The following MAML2 variants were observed in gnomAD, a reference collection of about 807,000 sequenced individuals.
MAML2 encodes the protein mastermind-like protein 2.
Under a neutral mutation model 96.1 loss-of-function variants are expected in MAML2, and 22 were observed. That is an observed-to-expected ratio of 0.23 (90% CI 0.16 to 0.33). The LOEUF (loss-of-function observed/expected upper bound fraction) is 0.33. Among genes scored for constraint, MAML2 ranks in the 10% least tolerant of loss-of-function variants. The pLI is 1.00. For synonymous variants in MAML2, 561 were observed against 521.3 expected (o/e 1.08, Z -1.04); for missense variants, 1,367 against 1,392.4 (o/e 0.98, Z 0.29).
intron 1 of MAML2, among the ~76,000 whole-genome samples, chr11:96,183,393 T>TCCCC (rs1177195850): frequency 1.2e-5 from 1 of 81,898 alleles, no homozygotes; most frequent in Admixed American, 1.6e-4. Context: ...CCTCCGTTCC[T>TCCCC]CCCCCCCCCC....
chr11:96,234,571 T>C (rs1465841642), intron 1 of MAML2, among the ~76,000 whole-genome samples: 1 of 152,228 alleles, frequency 6.6e-6, no homozygotes. Flanking sequence ...CCAATGTAGG[T>C]ATTCCATTTG....
chr11:96,164,702 A>G (rs1861164437), intron 1 of MAML2, among the ~76,000 whole-genome samples: 1 of 152,194 alleles, frequency 6.6e-6, no homozygotes, highest in Admixed American at 6.5e-5. Context: ...CGTGATCTCA[A>G]AGAAAGTAGG....
intron 2 of MAML2, 62 bp from the exon 3 acceptor site, chr11:95,991,785 A>G: frequency 7.8e-7 from 1 of 1,286,764 alleles, no homozygotes; most frequent in Non-Finnish European, 1.1e-6. Flanking sequence ...AATGTAGCAC[A>G]AAGATCATAC....
chr11:96,153,453 A>G (rs537593156), intron 1 of MAML2, among the ~76,000 whole-genome samples: 2 of 152,246 alleles, frequency 1.3e-5, no homozygotes, highest in East Asian at 3.9e-4. Flanking sequence ...ATATTTTGGT[A>G]TTTTGATCAT....
At chr11:96,251,995 G>A (rs1028066424) in intron 1 of MAML2, among the ~76,000 whole-genome samples, 1 of 152,062 alleles carries the variant, frequency 6.6e-6, no homozygotes, top group African/African-American at 2.4e-5. Context: ...GCCTCCCAAA[G>A]TGCTGGGATT....
chr11:96,274,589 G>T (rs1054087236), intron 1 of MAML2, among the ~76,000 whole-genome samples: 1 of 151,572 alleles, frequency 6.6e-6, no homozygotes, highest in Non-Finnish European at 1.5e-5. Context: ...ATTAAATTAG[G>T]TATTAATTAA....
intron 1 of MAML2, among the ~76,000 whole-genome samples, chr11:96,150,565 G>A (rs1860903097): frequency 6.6e-6 from 1 of 152,200 alleles, no homozygotes; most frequent in African/African-American, 2.4e-5. Context: ...GAAATTGCAA[G>A]TAGTTCAGGA....
In MAML2 at chr11:96,188,490, G is replaced by C. The variant is rs1252589411; in HGVS notation, c.514-94973C>G. Among the ~76,000 whole-genome samples, 5 of 152,172 alleles carry C rather than the reference G, an allele frequency of 3.3e-5. No individual in the cohort carries two copies. The East Asian group carries it at 9.6e-4, about 29-fold the overall frequency. On this transcript the variant is annotated intron_variant, in intron 1 of 4. Coordinates refer to ENST00000524717, the MANE Select transcript of MAML2 (RefSeq NM_032427.4). Reference sequence around the variant, plus strand: ...AGAAAACCAGTCAACAGAGAAAAATGGCTTGGGGGTCCCACAAGCAAAGAG... The same window carrying C: ...AGAAAACCAGTCAACAGAGAAAAATCGCTTGGGGGTCCCACAAGCAAAGAG...
intron 1 of MAML2, among the ~76,000 whole-genome samples, chr11:96,152,356 T>C (rs1591042109): frequency 6.6e-6 from 1 of 152,348 alleles, no homozygotes; most frequent in African/African-American, 2.4e-5. Flanking sequence ...AAACAACTTA[T>C]TCCCAACTAC....
In MAML2 at chr11:96,323,483, G is replaced by GAAA. The variant is rs57745850; in HGVS notation, c.513+17897_513+17899dup. Among the ~76,000 whole-genome samples, 1,233 of 144,686 alleles carry GAAA rather than the reference G, an allele frequency of 8.5e-3. 22 individuals are homozygous for GAAA. The highest frequency in any genetic ancestry group is 0.025 in the African/African-American group (992 of 39,360). 94.9% of individuals were successfully genotyped at this position (144,686 alleles called of 152,430 possible). A position where few individuals can be genotyped will look rare whatever the true frequency, so the allele number is the denominator to read the frequency against. On this transcript the variant is annotated intron_variant, in intron 1 of 4. Transcript: ENST00000524717. Reference sequence around the variant, plus strand: ...TTTGTATTGCCCTTTACAAAATGCTGAAAAAAAAAAAAACCCATCTGCATG... The same window carrying GAAA: ...TTTGTATTGCCCTTTACAAAATGCTGAAAAAAAAAAAAAAAACCCATCTGCATG...
intron 1 of MAML2, among the ~76,000 whole-genome samples, chr11:96,323,453 CTGAGT>C (rs1863735745): frequency 6.7e-6 from 1 of 148,252 alleles, no homozygotes; most frequent in African/African-American, 2.5e-5. Flanking sequence ...GGGAGTGAAG[CTGAGT>C]TTGTATTGCC....
chr11:96,076,506 A>G (rs1565206826), intron 2 of MAML2, among the ~76,000 whole-genome samples: 1 of 151,380 alleles, frequency 6.6e-6, no homozygotes, highest in Non-Finnish European at 1.5e-5. Flanking sequence ...AACTTCTCAC[A>G]GCAACTTCCT....
At position 96,092,654 on chromosome 11, in the gene MAML2, G is replaced by T. The variant is rs376995763; in HGVS notation, c.1377C>A (p.Thr459=). 9.3e-6 allele frequency: 15 copies of T among 1,613,420 alleles called. No homozygotes were observed. Among genetic ancestry groups the T allele is most frequent in the Non-Finnish European group, 1.2e-5 (14 of 1,179,758 alleles). The change falls in exon 2 of 5, where the codon ACC becomes ACA. Residue 459 remains threonine (T), a synonymous_variant. Coordinates refer to ENST00000524717, the MANE Select transcript of MAML2 (RefSeq NM_032427.4). The surrounding 1 kb of genome is among the most constrained non-coding windows in gnomAD (Gnocchi z 4.1). ...MQQHQQQHQP[T]NWSALPSSAG... ...CAGAAGAGGGCAAGGCTGACCAGTT[G>T]GTAGGCTGGTGCTGCTGCTGGTGCT...
chr11:96,275,012 G>A (rs886627805), intron 1 of MAML2, among the ~76,000 whole-genome samples: 2 of 151,950 alleles, frequency 1.3e-5, no homozygotes, highest in African/African-American at 4.8e-5. Flanking sequence ...CTAATTCCAT[G>A]TTAATGTATA....
At chr11:96,041,975 ATTTTTT>A (rs549945518) in intron 2 of MAML2, among the ~76,000 whole-genome samples, 2 of 121,796 alleles carry the variant, frequency 1.6e-5, no homozygotes, top group Non-Finnish European at 1.7e-5. Context: ...CGCCCGGCTA[ATTTTTT>A]TTTTTTTTTT....
chr11:96,222,411 T>C (rs1862153113), intron 1 of MAML2, among the ~76,000 whole-genome samples: 1 of 152,182 alleles, frequency 6.6e-6, no homozygotes. Flanking sequence ...GCTTTGTGTC[T>C]TGGAAGCCCA....
At chr11:96,004,835 C>T (rs1858151744) in intron 2 of MAML2, among the ~76,000 whole-genome samples, 1 of 152,080 alleles carries the variant, frequency 6.6e-6, no homozygotes, top group Non-Finnish European at 1.5e-5. Flanking sequence ...GAGGTGTTTG[C>T]TATGGTTTTA....
intron 1 of MAML2, among the ~76,000 whole-genome samples, chr11:96,107,516 C>T (rs1253247303): frequency 2.6e-5 from 4 of 152,202 alleles, no homozygotes; most frequent in Admixed American, 2.0e-4. Flanking sequence ...CCCCTGGGTC[C>T]TGGCATACAG....
In MAML2 at chr11:96,341,513, G is replaced by T. The variant is rs970760102; in HGVS notation, c.383C>A (p.Pro128Gln). ...CTGCTGGTGGTGATGGTGATAGTCT[G>T]GTGGGGGCGGTGGGGCTGCTGTTGC... ...AAATAAPPPPPDYHHHHQQHL... is the reference protein window; with the variant it reads ...AAATAAPPPPQDYHHHHQQHL... Residue 128 changes from proline to glutamine, a missense_variant, in exon 1 of 5, where the codon CCA (proline) becomes CAA (glutamine). Coordinates refer to ENST00000524717, the MANE Select transcript of MAML2 (RefSeq NM_032427.4). 5 of 1,551,608 alleles carry T rather than the reference G, an allele frequency of 3.2e-6. No homozygotes were observed. The East Asian group carries it at 9.8e-5, about 30-fold the overall frequency.
Sources: gnomAD v4.1 joint callset for allele counts (sites outside exome capture counted in the v4.1 genomes callset) on GRCh38, gnomAD v4.1.1 for gene constraint, Gnocchi (gnomAD v3.1) non-coding constraint, MANE v1.5 for transcripts, NCBI Gene and HGNC (gene_info 2026-07-23, HGNC 2026-07-21) for gene names.